TMEM135: variants seen among roughly 807,000 people sequenced by gnomAD.
TMEM135 encodes transmembrane protein 135, also known as peroxisomal membrane protein 52.
TMEM135 carries 30 observed loss-of-function variants against 60.3 expected under a neutral mutation model. The observed-to-expected ratio is 0.50, with a 90% confidence interval of 0.37 to 0.68. TMEM135 has a LOEUF of 0.68. TMEM135 is among the 30% of genes least tolerant of loss of function. The pLI, the probability that TMEM135 is intolerant of heterozygous loss-of-function variation, is 0.00. For synonymous variants in TMEM135, 190 were observed against 186.7 expected (o/e 1.02, Z -0.14); for missense variants, 468 against 548.8 (o/e 0.85, Z 1.47).
chr11:87,153,650 T>C (rs757013175), intron 4 of TMEM135, among the ~76,000 whole-genome samples: 2 of 152,214 alleles, frequency 1.3e-5, no homozygotes, highest in Non-Finnish European at 2.9e-5. Context: ...GCATATGACT[T>C]ATTTATTTCT....
chr11:87,256,283 C>T (rs1941526976), intron 6 of TMEM135, among the ~76,000 whole-genome samples: 1 of 152,074 alleles, frequency 6.6e-6, no homozygotes, highest in Non-Finnish European at 1.5e-5. Flanking sequence ...ACAACTAATT[C>T]CACCTCATTT....
chr11:87,090,521 A>G (rs970922421), intron 3 of TMEM135, among the ~76,000 whole-genome samples: 2 of 152,248 alleles, frequency 1.3e-5, no homozygotes, highest in Non-Finnish European at 1.5e-5. Context: ...CTTTTTATAT[A>G]TATTTTATTT....
In TMEM135 at chr11:87,323,256, T is replaced by C; in HGVS notation, c.*1923T>C. 1 of 453,704 alleles carries C rather than the reference T, an allele frequency of 2.2e-6. No homozygotes were observed. The highest frequency in any genetic ancestry group is 4.4e-6 in the Non-Finnish European group (1 of 226,574). 28.1% of individuals were successfully genotyped at this position (453,704 alleles called of 1,614,324 possible). On this transcript the variant is annotated 3_prime_UTR_variant, in exon 15 of 15. Transcript: ENST00000305494. ...AAATTGCAGTCATTTTTTTAAATTT[T>C]ATGTAAAATGTAAAATGAAATAGCT...
intron 5 of TMEM135, among the ~76,000 whole-genome samples, chr11:87,205,370 T>G (rs1217844282): frequency 6.6e-6 from 1 of 152,194 alleles, no homozygotes; most frequent in Non-Finnish European, 1.5e-5. Flanking sequence ...CATGATGTGG[T>G]GAAAACATTA....
chr11:87,117,352 A>G (rs1197061764), intron 4 of TMEM135, among the ~76,000 whole-genome samples: 6 of 152,166 alleles, frequency 3.9e-5, no homozygotes, highest in Non-Finnish European at 8.8e-5. Flanking sequence ...TCTTTCATGA[A>G]AGATCTCTCT....
intron 5 of TMEM135, among the ~76,000 whole-genome samples, chr11:87,218,139 A>G (rs562030334): frequency 8.5e-5 from 13 of 152,216 alleles, no homozygotes; most frequent in South Asian, 6.2e-4. Context: ...CGATGCTACT[A>G]AACATCCTAT....
At chr11:87,053,635 T>C (rs1949863656) in intron 1 of TMEM135, among the ~76,000 whole-genome samples, 1 of 152,168 alleles carries the variant, frequency 6.6e-6, no homozygotes, top group South Asian at 2.1e-4. Context: ...GTATAGTGAA[T>C]GTGAAATATG....
intron 4 of TMEM135, among the ~76,000 whole-genome samples, chr11:87,101,269 A>T (rs958657299): frequency 1.3e-5 from 2 of 152,196 alleles, no homozygotes; most frequent in Non-Finnish European, 2.9e-5. Context: ...TGCTGTTAGA[A>T]TTTAACTTTG....
At chr11:87,199,438 G>A (rs1940044516) in intron 5 of TMEM135, among the ~76,000 whole-genome samples, 1 of 152,172 alleles carries the variant, frequency 6.6e-6, no homozygotes, top group African/African-American at 2.4e-5. Flanking sequence ...CCAGAGCTCT[G>A]TTTTATAGAC....
intron 4 of TMEM135, among the ~76,000 whole-genome samples, chr11:87,126,823 A>C (rs487370): frequency 0.48 from 71,918 of 151,398 alleles, 17,302 homozygotes; most frequent in East Asian, 0.67. Flanking sequence ...ATGTGTTTAT[A>C]AAATTTATGT....
intron 5 of TMEM135, among the ~76,000 whole-genome samples, chr11:87,203,702 C>T (rs911800655): frequency 1.3e-5 from 2 of 152,202 alleles, no homozygotes; most frequent in Non-Finnish European, 2.9e-5. Context: ...CATAAGTTTT[C>T]AGCTCCTTTG....
chr11:87,067,856 G>A (rs1856696954), intron 2 of TMEM135, 35 bp downstream of exon 2: 1 of 1,610,432 alleles, frequency 6.2e-7, no homozygotes, highest in Non-Finnish European at 8.5e-7. Context: ...TACTAATATA[G>A]GTTCTTCTAT....
intron 5 of TMEM135, among the ~76,000 whole-genome samples, chr11:87,228,927 G>A (rs1940826964): frequency 6.6e-6 from 1 of 151,992 alleles, no homozygotes; most frequent in Non-Finnish European, 1.5e-5. Flanking sequence ...TGCTTGTGAG[G>A]CATAGTTTTC....
chr11:87,288,993 A>G (rs2135427735), intron 6 of TMEM135, among the ~76,000 whole-genome samples: 1 of 152,274 alleles, frequency 6.6e-6, no homozygotes, highest in South Asian at 2.1e-4. Flanking sequence ...AAATAAGTAA[A>G]TAAAACAAGT....
chr11:87,116,440 T>C (rs1407284674), intron 4 of TMEM135, among the ~76,000 whole-genome samples: 1 of 152,216 alleles, frequency 6.6e-6, no homozygotes, highest in Non-Finnish European at 1.5e-5. Context: ...CAATTTATTT[T>C]GTGTTTATTA....
At chr11:87,052,924 A>G (rs1949851410) in intron 1 of TMEM135, among the ~76,000 whole-genome samples, 1 of 87,756 alleles carries the variant, frequency 1.1e-5, no homozygotes, top group Admixed American at 1.3e-4. Flanking sequence ...CAAATGTCCA[A>G]CAATGATAGA....
At chr11:87,174,670 G>A (rs1193183756) in intron 5 of TMEM135, among the ~76,000 whole-genome samples, 1 of 152,140 alleles carries the variant, frequency 6.6e-6, no homozygotes, top group Admixed American at 6.6e-5. Context: ...GCAAGGTACA[G>A]TAAGTCCTCA....
chr11:87,163,716 T>G (rs1035295660), intron 5 of TMEM135, among the ~76,000 whole-genome samples: 4 of 149,352 alleles, frequency 2.7e-5, no homozygotes, highest in African/African-American at 7.4e-5. Context: ...CCTGACTTTT[T>G]AATGATTGCC....
chr11:87,045,067 T>C (rs908748880), intron 1 of TMEM135, among the ~76,000 whole-genome samples: 2 of 152,108 alleles, frequency 1.3e-5, no homozygotes, highest in Non-Finnish European at 2.9e-5. Context: ...TCTGGCTTTG[T>C]TGCCCAGGCT....
Sources: gnomAD v4.1 joint callset for allele counts (sites outside exome capture counted in the v4.1 genomes callset) on GRCh38, gnomAD v4.1.1 for gene constraint, MANE v1.5 for transcripts, NCBI Gene and HGNC (gene_info 2026-07-23, HGNC 2026-07-21) for gene names.